Variants in GRK5 observed in about 807,000 individuals in gnomAD.
GRK5 encodes the protein g protein-coupled receptor kinase GRK5.
GRK5 carries 40 observed loss-of-function variants against 78.4 expected under a neutral mutation model. That is an observed-to-expected ratio of 0.51 (90% CI 0.40 to 0.66). GRK5 has a LOEUF of 0.66. Ranked by LOEUF, GRK5 falls within the 30% of genes least tolerant of loss-of-function variation. The pLI is 0.00. For missense variants in GRK5, 598 were observed against 759.9 expected, an observed-to-expected ratio of 0.79 and a Z score of 2.50; for synonymous variants, 289 against 296.8, an observed-to-expected ratio of 0.97 and a Z score of 0.27.
chr10:119,260,820 C>G (rs937916904), intron 1 of GRK5, among the ~76,000 whole-genome samples: 4 of 150,994 alleles, frequency 2.6e-5, no homozygotes, highest in South Asian at 2.1e-4. Context: ...TACACAGACA[C>G]GGCAACCATC....
intron 12 of GRK5, among the ~76,000 whole-genome samples, chr10:119,444,087 A>G (rs1257290043): frequency 6.6e-6 from 1 of 152,108 alleles, no homozygotes; most frequent in African/African-American, 2.4e-5. Context: ...TGCCCCAGAC[A>G]CAAAGCAACC....
chr10:119,304,783 T>C (rs908205791), intron 1 of GRK5, among the ~76,000 whole-genome samples: 3 of 152,208 alleles, frequency 2.0e-5, no homozygotes, highest in Non-Finnish European at 4.4e-5. Context: ...ACCGACCCCA[T>C]GCAGTCCCCA....
At chr10:119,324,376 C>T (rs1365704777) in intron 1 of GRK5, among the ~76,000 whole-genome samples, 1 of 152,222 alleles carries the variant, frequency 6.6e-6, no homozygotes, top group African/African-American at 2.4e-5. Context: ...CCTGTAATCC[C>T]AGCACTTTGG....
At chr10:119,229,019 T>C (rs1196283498) in intron 1 of GRK5, among the ~76,000 whole-genome samples, 1 of 152,186 alleles carries the variant, frequency 6.6e-6, no homozygotes, top group Non-Finnish European at 1.5e-5. Context: ...TCATTAAGGC[T>C]AGATGCCTTA....
At chr10:119,417,720 A>G (rs1852489598) in intron 4 of GRK5, among the ~76,000 whole-genome samples, 1 of 152,228 alleles carries the variant, frequency 6.6e-6, no homozygotes, top group Non-Finnish European at 1.5e-5. Flanking sequence ...TTAGGGTCAC[A>G]GCAGCAGAGG....
intron 1 of GRK5, among the ~76,000 whole-genome samples, chr10:119,303,077 G>A (rs866094064): frequency 3.3e-5 from 5 of 152,190 alleles, no homozygotes; most frequent in African/African-American, 7.2e-5. Flanking sequence ...GGGCAGGAGC[G>A]CAGAGAGGTG....
At position 119,452,718 on chromosome 10, in the gene GRK5, C is replaced by G. The variant is rs758223937; in HGVS notation, c.1452C>G (p.Ser484=). Residue 484 remains serine, a synonymous_variant, in exon 14 of 16, where the codon TCC becomes TCG. Coordinates refer to ENST00000392870, the MANE Select transcript of GRK5 (RefSeq NM_005308.3). This position sits in a 1 kb window ranked among gnomAD's most constrained non-coding sequence, Gnocchi z 4.4. ...CKDVLDIEQF[S]TVKGVNLDHT... ...ACGTGCTGGACATCGAGCAGTTCTC[C>G]ACTGTGAAGGGCGTCAATCTGGACC... The G allele has an allele frequency of 3.1e-6, 5 of 1,614,148 alleles. No homozygotes were observed. The Admixed American group carries it at 8.3e-5, about 27-fold the overall frequency.
chr10:119,345,193 C>A (rs1043212149), intron 2 of GRK5, among the ~76,000 whole-genome samples: 3 of 152,102 alleles, frequency 2.0e-5, no homozygotes, highest in African/African-American at 7.2e-5. Context: ...TGGTCTCGAT[C>A]TCCTGACCTC....
intron 4 of GRK5, among the ~76,000 whole-genome samples, chr10:119,410,663 C>T (rs1197628284): frequency 6.6e-6 from 1 of 152,168 alleles, no homozygotes; most frequent in East Asian, 1.9e-4. Flanking sequence ...ATCCTCAGTG[C>T]AACCCTACCA....
chr10:119,431,655 C>T lies in GRK5; in HGVS notation c.738+128C>T, dbSNP rs1297320554. Reference sequence around the variant, plus strand: ...CTGGGAAGGGGAATGCCAGTGGCAGCGCTGAGCTACAGAAAGGCCGCAAGA... The same window carrying T: ...CTGGGAAGGGGAATGCCAGTGGCAGTGCTGAGCTACAGAAAGGCCGCAAGA... On this transcript the variant is annotated intron_variant, in intron 8 of 15. Transcript: ENST00000392870. This position sits in a 1 kb window ranked among gnomAD's most constrained non-coding sequence, Gnocchi z 4.8. 16 of 1,120,448 alleles carry T rather than the reference C, an allele frequency of 1.4e-5. No individual in the cohort carries two copies. Among genetic ancestry groups the T allele is most frequent in the Admixed American group, 5.4e-5 (2 of 36,840 alleles). The allele number at this position is 1,120,448 out of a possible 1,614,324, so 69.4% of individuals were successfully genotyped here. A position where few individuals can be genotyped will look rare whatever the true frequency, so the allele number is the denominator to read the frequency against.
chr10:119,353,773 G>A (rs955205022), intron 2 of GRK5, among the ~76,000 whole-genome samples: 2 of 152,076 alleles, frequency 1.3e-5, no homozygotes, highest in Admixed American at 6.6e-5. Context: ...ATTATTTTTA[G>A]CAATGACATC....
chr10:119,345,042 C>T (rs937839156), intron 2 of GRK5, among the ~76,000 whole-genome samples: 1 of 151,614 alleles, frequency 6.6e-6, no homozygotes, highest in Non-Finnish European at 1.5e-5. Flanking sequence ...CATCTCGGCT[C>T]ACTGCAACCT....
intron 15 of GRK5, among the ~76,000 whole-genome samples, chr10:119,454,522 A>G (rs978706989): frequency 6.6e-6 from 1 of 152,150 alleles, no homozygotes; most frequent in African/African-American, 2.4e-5. Flanking sequence ...ACGACCGCCC[A>G]TCTCTCCCAG....
chr10:119,448,340 C>A, intron 13 of GRK5, 80 bp downstream of exon 13: 1 of 1,467,702 alleles, frequency 6.8e-7, no homozygotes, highest in Non-Finnish European at 9.2e-7. Context: ...TCACAGTGAG[C>A]TGGTGCAGAG....
chr10:119,401,961 G>T (rs2133860055), intron 4 of GRK5, among the ~76,000 whole-genome samples: 1 of 152,278 alleles, frequency 6.6e-6, no homozygotes, highest in East Asian at 1.9e-4. Context: ...GCTCTTCTGG[G>T]TCCTCCCTGG....
chr10:119,269,658 C>G (rs1210153004), intron 1 of GRK5, among the ~76,000 whole-genome samples: 1 of 151,822 alleles, frequency 6.6e-6, no homozygotes, highest in Non-Finnish European at 1.5e-5. Context: ...TGGTAAAACC[C>G]TGTCTCTACT....
At chr10:119,409,720 C>A (rs1423710242) in intron 4 of GRK5, among the ~76,000 whole-genome samples, 1 of 152,070 alleles carries the variant, frequency 6.6e-6, no homozygotes, top group Non-Finnish European at 1.5e-5. Flanking sequence ...CCCTGCCCCC[C>A]AACCCCTTTA....
chr10:119,308,316 A>C (rs1186337780), intron 1 of GRK5, among the ~76,000 whole-genome samples: 1 of 151,674 alleles, frequency 6.6e-6, no homozygotes, highest in Non-Finnish European at 1.5e-5. Flanking sequence ...GATCTACAAA[A>C]TGGGTGTCAT....
At chr10:119,339,897 A>G (rs374351196) in intron 2 of GRK5, among the ~76,000 whole-genome samples, 4 of 152,296 alleles carry the variant, frequency 2.6e-5, no homozygotes, top group South Asian at 2.1e-4. Flanking sequence ...CTCTGTCTCT[A>G]TTAAACAAAA....
Sources: gnomAD v4.1 joint callset for allele counts (sites outside exome capture counted in the v4.1 genomes callset) on GRCh38, gnomAD v4.1.1 for gene constraint, Gnocchi (gnomAD v3.1) non-coding constraint, MANE v1.5 for transcripts, NCBI Gene and HGNC (gene_info 2026-07-23, HGNC 2026-07-21) for gene names.